Variants in NAALADL2 observed in about 807,000 individuals in gnomAD.
NAALADL2 encodes the protein N-acetylated alpha-linked acidic dipeptidase like 2, also known as inactive N-acetylated-alpha-linked acidic dipeptidase-like protein 2.
A neutral mutation model predicts 87.2 loss-of-function variants in NAALADL2; 76 were observed. The ratio of observed to expected loss-of-function variants is 0.87; its 90% confidence interval spans 0.72 to 1.05. The LOEUF (loss-of-function observed/expected upper bound fraction) is 1.05, where lower values mean the gene tolerates loss of function less well. NAALADL2 is among the 50% of genes least tolerant of loss of function. The pLI, the probability that NAALADL2 is intolerant of heterozygous loss-of-function variation, is 0.00. For missense variants in NAALADL2, 1,089 were observed against 945.8 expected (o/e 1.15, Z -1.99); for synonymous variants, 354 against 331.0 (o/e 1.07, Z -0.75).
intron 1 of NAALADL2, among the ~76,000 whole-genome samples, chr3:174,910,918 G>A (rs777195435): frequency 3.3e-5 from 5 of 152,136 alleles, no homozygotes; most frequent in African/African-American, 4.8e-5. Flanking sequence ...GAATGCTTTC[G>A]CAAAACTGAC....
At chr3:175,149,775 A>T (rs1560092304) in intron 2 of NAALADL2, among the ~76,000 whole-genome samples, 1 of 152,190 alleles carries the variant, frequency 6.6e-6, no homozygotes, top group Non-Finnish European at 1.5e-5. Context: ...TCAATTCATC[A>T]TTAGAGAAAA....
intron 2 of NAALADL2, among the ~76,000 whole-genome samples, chr3:174,593,763 C>T (rs551087322): frequency 7.2e-5 from 11 of 152,102 alleles, no homozygotes; most frequent in African/African-American, 1.7e-4. Context: ...TTTATCTCCT[C>T]ACCTGACACT....
intron 3 of NAALADL2, among the ~76,000 whole-genome samples, chr3:174,834,137 G>A (rs1723055598): frequency 6.7e-6 from 1 of 148,782 alleles, no homozygotes; most frequent in Non-Finnish European, 1.5e-5. Flanking sequence ...ATTCCCAAAT[G>A]CAAGTTTCAT....
intron 1 of NAALADL2, among the ~76,000 whole-genome samples, chr3:174,882,244 G>C (rs1729278395): frequency 6.6e-6 from 1 of 151,838 alleles, no homozygotes; most frequent in Non-Finnish European, 1.5e-5. Context: ...GCAAAACTAT[G>C]TGAAGAACTT....
chr3:175,197,405 T>C (rs1739189330), intron 2 of NAALADL2, among the ~76,000 whole-genome samples: 2 of 152,138 alleles, frequency 1.3e-5, no homozygotes, highest in South Asian at 4.1e-4. Flanking sequence ...CAGCTTTTTT[T>C]CTATATTTCT....
intron 11 of NAALADL2, among the ~76,000 whole-genome samples, chr3:175,628,773 C>T (rs1727358276): frequency 6.7e-6 from 1 of 150,000 alleles, no homozygotes; most frequent in African/African-American, 2.4e-5. Flanking sequence ...TATGGTAAAG[C>T]GAACTGAGTG....
At chr3:174,741,184 C>T (rs991193553) in intron 3 of NAALADL2, among the ~76,000 whole-genome samples, 15 of 151,520 alleles carry the variant, frequency 9.9e-5, no homozygotes, top group Non-Finnish European at 1.8e-4. Flanking sequence ...AAGAAAATAC[C>T]GAAGAAAACT....
intron 1 of NAALADL2, among the ~76,000 whole-genome samples, chr3:175,049,344 A>G (rs1755070261): frequency 1.3e-5 from 2 of 152,236 alleles, no homozygotes; most frequent in East Asian, 1.9e-4. Context: ...TTTGAAATTT[A>G]TATGTTTAGA....
At chr3:175,068,561 G>C (rs1305107031) in intron 1 of NAALADL2, among the ~76,000 whole-genome samples, 1 of 152,066 alleles carries the variant, frequency 6.6e-6, no homozygotes, top group African/African-American at 2.4e-5. Context: ...AAACTTGGGA[G>C]GACGTCTCTT....
At chr3:174,479,368 A>G (rs1416482677) in intron 1 of NAALADL2, among the ~76,000 whole-genome samples, 2 of 152,168 alleles carry the variant, frequency 1.3e-5, no homozygotes, top group Non-Finnish European at 2.9e-5. Flanking sequence ...AAATAGGGTT[A>G]TAAGAGAACA....
intron 3 of NAALADL2, among the ~76,000 whole-genome samples, chr3:174,743,703 G>C (rs1733975157): frequency 6.6e-6 from 1 of 151,610 alleles, no homozygotes; most frequent in Admixed American, 6.6e-5. Context: ...ATTATGTTTA[G>C]TTTCATACTT....
At chr3:175,376,817 T>A (rs1319457970) in intron 5 of NAALADL2, among the ~76,000 whole-genome samples, 2 of 152,180 alleles carry the variant, frequency 1.3e-5, no homozygotes, top group Non-Finnish European at 2.9e-5. Flanking sequence ...TCTTTTTATT[T>A]TACCATGCTT....
At chr3:175,503,661 T>G (rs1729866354) in intron 9 of NAALADL2, among the ~76,000 whole-genome samples, 1 of 152,042 alleles carries the variant, frequency 6.6e-6, no homozygotes, top group African/African-American at 2.4e-5. Flanking sequence ...GTGGTTTTGG[T>G]TTGTATTTCT....
chr3:175,576,116 G>A lies in NAALADL2; in HGVS notation c.1729G>A (p.Ala577Thr). ...NISSIQIQGDADYFINHLGVP... is the reference protein window; with the variant it reads ...NISSIQIQGDTDYFINHLGVP... ...CAGTTCTATACAGATACAAGGTGAT[G>A]CTGATTATTTCATCAACCATCTTGG... The change falls in exon 10 of 14, where the codon GCT becomes ACT. Residue 577 changes from alanine to threonine, a missense_variant. Transcript: ENST00000454872. The A allele has an allele frequency of 6.2e-7, 1 of 1,613,466 alleles. No individual in the cohort carries two copies. Among genetic ancestry groups the A allele is most frequent in the East Asian group, 2.2e-5 (1 of 44,872 alleles).
chr3:174,708,962 G>A (rs1032595145), intron 2 of NAALADL2, among the ~76,000 whole-genome samples: 8 of 152,128 alleles, frequency 5.3e-5, no homozygotes, highest in African/African-American at 1.7e-4. Context: ...TCTCATTATA[G>A]TGGAGAAGAC....
At chr3:174,896,486 A>G (rs1424393770) in intron 1 of NAALADL2, among the ~76,000 whole-genome samples, 1 of 152,190 alleles carries the variant, frequency 6.6e-6, no homozygotes, top group Non-Finnish European at 1.5e-5. Context: ...CTATGATTAA[A>G]ATTATAAAAC....
intron 1 of NAALADL2, among the ~76,000 whole-genome samples, chr3:174,987,811 A>ATT (rs1491180332): frequency 8.2e-6 from 1 of 121,328 alleles, no homozygotes; most frequent in Non-Finnish European, 1.5e-5. Context: ...TATATATATA[A>ATT]TTATATATAT....
intron 2 of NAALADL2, among the ~76,000 whole-genome samples, chr3:175,194,351 C>A (rs1252232077): frequency 1.3e-5 from 2 of 151,762 alleles, no homozygotes; most frequent in African/African-American, 4.8e-5. Flanking sequence ...TAGTTTCAAG[C>A]TGTTGCTCAC....
In NAALADL2 at chr3:175,019,658, T is replaced by C. The variant is rs567747899; in HGVS notation, c.44-77132T>C. Among the ~76,000 whole-genome samples the C allele has an allele frequency of 3.3e-5, 5 of 152,128 alleles. No homozygotes were observed. In the South Asian group the frequency reaches 1.0e-3, roughly 32 times the overall value. Reference sequence around the variant, plus strand: ...CACTTCGTTGACCATTTTCAGCTTCTTTCCTCCTTCCTTTTCCCCTCTGGA... The same window carrying C: ...CACTTCGTTGACCATTTTCAGCTTCCTTCCTCCTTCCTTTTCCCCTCTGGA... On this transcript the variant is annotated intron_variant, in intron 1 of 13. Transcript: ENST00000454872.
Sources: allele counts gnomAD v4.1 joint callset (sites outside exome capture counted in the v4.1 genomes callset), GRCh38; gene constraint gnomAD v4.1.1; transcripts MANE v1.5; gene names NCBI Gene and HGNC (gene_info 2026-07-23, HGNC 2026-07-21).